The following CHST8 variants were observed in gnomAD, a reference collection of about 807,000 sequenced individuals.
CHST8 encodes the protein carbohydrate sulfotransferase 8.
Under a neutral mutation model 15.0 loss-of-function variants are expected in CHST8, and 10 were observed. The ratio of observed to expected loss-of-function variants is 0.67; its 90% confidence interval spans 0.41 to 1.13. CHST8 has a LOEUF of 1.13. CHST8 is among the 50% of genes most tolerant of loss of function. CHST8 has a pLI of 0.00. For missense variants in CHST8, 634 were observed against 608.2 expected (o/e 1.04, Z -0.45); for synonymous variants, 259 against 256.6 (o/e 1.01, Z -0.09).
At chr19:33,640,864 G>A (rs1318543323) in intron 1 of CHST8, among the ~76,000 whole-genome samples, 1 of 152,114 alleles carries the variant, frequency 6.6e-6, no homozygotes, top group Non-Finnish European at 1.5e-5. Context: ...CTGCCCAGGT[G>A]TGGGGGCTGC....
At chr19:33,627,101 G>GGT (rs2145432270) in intron 1 of CHST8, among the ~76,000 whole-genome samples, 1 of 127,196 alleles carries the variant, frequency 7.9e-6, no homozygotes, top group African/African-American at 2.8e-5. Flanking sequence ...CTTTTTTTGG[G>GGT]GGGGGGGCGG....
intron 1 of CHST8, among the ~76,000 whole-genome samples, chr19:33,660,720 C>T (rs1013315175): frequency 2.6e-5 from 4 of 152,184 alleles, no homozygotes. Context: ...TTGCATTAAC[C>T]TGCCTCCTTT....
At chr19:33,695,243 G>C (rs1378538098) in intron 3 of CHST8, among the ~76,000 whole-genome samples, 1 of 152,104 alleles carries the variant, frequency 6.6e-6, no homozygotes, top group Non-Finnish European at 1.5e-5. Context: ...ACCACAACTG[G>C]CTAGGTATGA....
intron 3 of CHST8, among the ~76,000 whole-genome samples, chr19:33,770,475 G>A (rs569548340): frequency 6.6e-6 from 1 of 152,336 alleles, no homozygotes; most frequent in East Asian, 1.9e-4. Context: ...GGGGAAGGAG[G>A]CTCCAGCTTC....
At chr19:33,730,357 C>G (rs1347897066) in intron 3 of CHST8, among the ~76,000 whole-genome samples, 3 of 152,230 alleles carry the variant, frequency 2.0e-5, no homozygotes, top group Admixed American at 1.3e-4. Context: ...TAGTTTCTCT[C>G]TCTGTACAAT....
intron 3 of CHST8, among the ~76,000 whole-genome samples, chr19:33,726,618 G>T (rs1395099085): frequency 6.6e-6 from 1 of 152,134 alleles, no homozygotes; most frequent in Non-Finnish European, 1.5e-5. Flanking sequence ...ACTCCCTCTG[G>T]GTGGCTCACA....
Position 33,771,310 on chromosome 19 carries a change from A to G in CHST8, c.131-103A>G, listed in dbSNP as rs1974978035. 2.6e-6 allele frequency: 3 copies of G among 1,146,354 alleles called. No homozygotes were observed. The Admixed American group carries it at 5.1e-5, about 19-fold the overall frequency. The allele number at this position is 1,146,354 out of a possible 1,614,324, so 71.0% of individuals were successfully genotyped here. The stretch of plus-strand genomic sequence containing the variant: ...GCCTTTCCCTAGAGCCTACCCCAAG[A>G]TCCCTCCAGCCTGGATGTCCACAGC... On this transcript the variant is annotated intron_variant, in intron 3 of 4. Transcript: ENST00000650847.
chr19:33,719,243 C>T (rs955560607), intron 3 of CHST8, among the ~76,000 whole-genome samples: 49 of 66,984 alleles, frequency 7.3e-4, no homozygotes, highest in African/African-American at 2.4e-3. Flanking sequence ...TTCTGTCAGC[C>T]GGGGGTGGGC....
At chr19:33,686,994 A>C (rs1017462481) in intron 2 of CHST8, among the ~76,000 whole-genome samples, 3 of 152,202 alleles carry the variant, frequency 2.0e-5, no homozygotes, top group Non-Finnish European at 4.4e-5. Flanking sequence ...TCTGAGAGCC[A>C]TGGCCCCCCT....
chr19:33,626,508 G>C (rs1415644864), intron 1 of CHST8, among the ~76,000 whole-genome samples: 1 of 152,204 alleles, frequency 6.6e-6, no homozygotes, highest in East Asian at 1.9e-4. Context: ...GTGGGGCCTG[G>C]TGGGAGGTAG....
At chr19:33,638,123 GGATATCACTC>G (rs1972229357) in intron 1 of CHST8, among the ~76,000 whole-genome samples, 1 of 152,050 alleles carries the variant, frequency 6.6e-6, no homozygotes, top group African/African-American at 2.4e-5. Context: ...ACCAATTTCA[GGATATCACTC>G]GAGCTTTGTT....
intron 3 of CHST8, among the ~76,000 whole-genome samples, chr19:33,751,757 A>G (rs940738008): frequency 1.3e-5 from 2 of 152,210 alleles, no homozygotes; most frequent in Non-Finnish European, 2.9e-5. Flanking sequence ...AACCTCTTTG[A>G]GACTCAGTGA....
intron 1 of CHST8, among the ~76,000 whole-genome samples, chr19:33,641,759 G>A (rs1180128562): frequency 6.6e-6 from 1 of 151,724 alleles, no homozygotes; most frequent in Non-Finnish European, 1.5e-5. Context: ...GTGGGGAGGG[G>A]GGACCTGCTG....
intron 1 of CHST8, among the ~76,000 whole-genome samples, chr19:33,651,354 G>A (rs1387648167): frequency 2.1e-5 from 3 of 145,688 alleles, no homozygotes; most frequent in Non-Finnish European, 4.4e-5. Context: ...GTATCTATGG[G>A]ATGAGATCTT....
intron 3 of CHST8, among the ~76,000 whole-genome samples, chr19:33,698,827 C>T (rs920308286): frequency 5.3e-5 from 8 of 152,122 alleles, no homozygotes; most frequent in African/African-American, 1.9e-4. Context: ...AGGCAGGAAG[C>T]CCCCACCATG....
intron 3 of CHST8, among the ~76,000 whole-genome samples, chr19:33,716,167 T>C (rs1450161512): frequency 6.6e-6 from 1 of 152,250 alleles, no homozygotes; most frequent in Non-Finnish European, 1.5e-5. Context: ...GCACCATTAG[T>C]TTATTTAGCC....
intron 1 of CHST8, among the ~76,000 whole-genome samples, chr19:33,648,964 G>C (rs1471990886): frequency 7.3e-6 from 1 of 136,204 alleles, no homozygotes. Flanking sequence ...AGTGCAGTGG[G>C]GCGATCTCGG....
At chr19:33,644,501 G>A (rs376873619) in intron 1 of CHST8, among the ~76,000 whole-genome samples, 24 of 152,180 alleles carry the variant, frequency 1.6e-4, no homozygotes, top group East Asian at 1.6e-3. Context: ...TTGGGAAGCC[G>A]AAGCGGGAGG....
chr19:33,709,710 A>T (rs78883989), intron 3 of CHST8, among the ~76,000 whole-genome samples: 1 of 152,138 alleles, frequency 6.6e-6, no homozygotes, highest in Admixed American at 6.5e-5. Flanking sequence ...TTTAAAATGA[A>T]TTGGGAAGTA....
Sources: gnomAD v4.1 joint callset for allele counts (sites outside exome capture counted in the v4.1 genomes callset) on GRCh38, gnomAD v4.1.1 for gene constraint, MANE v1.5 for transcripts, NCBI Gene and HGNC (gene_info 2026-07-23, HGNC 2026-07-21) for gene names.